The following SLC35D4 variants were observed in gnomAD, a reference collection of about 807,000 sequenced individuals.
SLC35D4 encodes UDP-N-acetylglucosamine transporter SLC35D4.
At chr18:23,410,465 G>A in the SLC35D4 span, among the ~76,000 whole-genome samples, 46 of 145,396 alleles carry the variant, frequency 3.2e-4, no homozygotes, top group African/African-American at 1.1e-3. Flanking sequence ...GCAAAAGAGC[G>A]AGACTCTGTC....
At chr18:23,377,699 T>C in the SLC35D4 span, 4 of 1,545,026 alleles carry the variant, frequency 2.6e-6, no homozygotes, top group Non-Finnish European at 3.5e-6. Context: ...AACATACAAT[T>C]AGACTTTTAA....
chr18:23,273,938 TTTTA>T, the SLC35D4 span, among the ~76,000 whole-genome samples: 4 of 152,296 alleles, frequency 2.6e-5, no homozygotes, highest in East Asian at 3.9e-4. Context: ...TCCATTTTTA[TTTTA>T]TTTTTTTTGC....
At chr18:23,356,752 C>G in the SLC35D4 span, 3 of 1,196,744 alleles carry the variant, frequency 2.5e-6, no homozygotes, top group South Asian at 3.9e-5. This position sits in a 1 kb window ranked among gnomAD's most constrained non-coding sequence, Gnocchi z 4.1. Context: ...AGGAAGGCGT[C>G]TTTAGCAGTC....
the SLC35D4 span, among the ~76,000 whole-genome samples, chr18:23,333,804 A>G: frequency 6.6e-6 from 1 of 152,212 alleles, no homozygotes; most frequent in Non-Finnish European, 1.5e-5. Context: ...AAAGTAAATT[A>G]TTTTGTTCTT....
the SLC35D4 span, among the ~76,000 whole-genome samples, chr18:23,424,424 T>G: frequency 6.6e-6 from 1 of 152,190 alleles, no homozygotes; most frequent in African/African-American, 2.4e-5. Flanking sequence ...TCTAGGCACT[T>G]GGAATACTCC....
chr18:23,301,922 G>A, the SLC35D4 span, among the ~76,000 whole-genome samples: 7 of 152,336 alleles, frequency 4.6e-5, no homozygotes, highest in South Asian at 1.4e-3. Flanking sequence ...GCTTGAAATA[G>A]ATTGTTTTCA....
chr18:23,312,214 G>C, the SLC35D4 span, among the ~76,000 whole-genome samples: 1 of 152,162 alleles, frequency 6.6e-6, no homozygotes. Context: ...CCCACAGCCT[G>C]GGATTTGTGC....
the SLC35D4 span, among the ~76,000 whole-genome samples, chr18:23,426,098 C>T: frequency 1.3e-5 from 2 of 151,690 alleles, no homozygotes; most frequent in Non-Finnish European, 2.9e-5. Flanking sequence ...ATTAAACTGA[C>T]AAGGATTAAA....
the SLC35D4 span, among the ~76,000 whole-genome samples, chr18:23,408,151 AC>A: frequency 1.5e-3 from 4 of 2,750 alleles, no homozygotes; most frequent in East Asian, 0.29. Flanking sequence ...GGCCTGAGAC[AC>A]ACACACACAC....
chr18:23,417,392 T>C, the SLC35D4 span, among the ~76,000 whole-genome samples: 1 of 152,150 alleles, frequency 6.6e-6, no homozygotes, highest in Non-Finnish European at 1.5e-5. Flanking sequence ...CTTGAAAACA[T>C]TAATGCTAAG....
chr18:23,315,439 C>G, the SLC35D4 span, among the ~76,000 whole-genome samples: 6 of 152,190 alleles, frequency 3.9e-5, no homozygotes, highest in Admixed American at 3.9e-4. Context: ...TCGCACATGC[C>G]AAACCCTATT....
the SLC35D4 span, among the ~76,000 whole-genome samples, chr18:23,416,281 A>G: frequency 6.6e-6 from 1 of 152,152 alleles, no homozygotes; most frequent in South Asian, 2.1e-4. Context: ...AATCTAAATG[A>G]GTTCTCCATG....
At chr18:23,288,735 C>G in the SLC35D4 span, among the ~76,000 whole-genome samples, 1 of 152,176 alleles carries the variant, frequency 6.6e-6, no homozygotes, top group South Asian at 2.1e-4. Context: ...GTATGGCCTT[C>G]CCACCTTTAT....
chr18:23,365,488 T>A, the SLC35D4 span: 7 of 869,438 alleles, frequency 8.1e-6, no homozygotes, highest in African/African-American at 1.2e-4. Context: ...TTAAGAGCAG[T>A]TTCAAATAGG....
the SLC35D4 span, among the ~76,000 whole-genome samples, chr18:23,337,531 C>G: frequency 6.6e-6 from 1 of 151,696 alleles, no homozygotes; most frequent in Non-Finnish European, 1.5e-5. Context: ...GATTATTCCA[C>G]GTTAAAAAAA....
the SLC35D4 span, among the ~76,000 whole-genome samples, chr18:23,401,902 T>C: frequency 6.6e-6 from 1 of 152,198 alleles, no homozygotes; most frequent in Non-Finnish European, 1.5e-5. Flanking sequence ...GAAATAACTT[T>C]AACTAGAAAA....
chr18:23,277,478 A>C, the SLC35D4 span, among the ~76,000 whole-genome samples: 1 of 152,174 alleles, frequency 6.6e-6, no homozygotes, highest in Non-Finnish European at 1.5e-5. Context: ...GTATGTCTTT[A>C]TCAGCAGCAT....
chr18:23,245,855 A>C, the SLC35D4 span, among the ~76,000 whole-genome samples: 1 of 152,246 alleles, frequency 6.6e-6, no homozygotes, highest in Non-Finnish European at 1.5e-5. Context: ...CTTGCAAAAA[A>C]CACAACTGCC....
the SLC35D4 span, among the ~76,000 whole-genome samples, chr18:23,412,590 T>C: frequency 1.3e-5 from 2 of 152,162 alleles, no homozygotes; most frequent in Admixed American, 6.5e-5. Context: ...TCACTCTTCC[T>C]CCTGACTCAG....
Sources: gnomAD v4.1 joint callset for allele counts (sites outside exome capture counted in the v4.1 genomes callset) on GRCh38, gnomAD v4.1.1 for gene constraint, Gnocchi (gnomAD v3.1) non-coding constraint, MANE v1.5 for transcripts, NCBI Gene and HGNC (gene_info 2026-07-23, HGNC 2026-07-21) for gene names.